The following NEK11 variants were observed in gnomAD, a reference collection of about 807,000 sequenced individuals.
NEK11 encodes the protein serine/threonine-protein kinase Nek11.
NEK11 carries 72 observed loss-of-function variants against 80.7 expected under a neutral mutation model. The ratio of observed to expected loss-of-function variants is 0.89; its 90% CI spans 0.74 to 1.08. NEK11 has a LOEUF of 1.08. Ranked by LOEUF, NEK11 falls within the 50% of genes least tolerant of loss-of-function variation. NEK11 has a pLI of 0.00. For synonymous variants in NEK11, 251 were observed against 260.7 expected, an observed-to-expected ratio of 0.96 and a Z score of 0.36; for missense variants, 764 against 763.6, an observed-to-expected ratio of 1.00 and a Z score of -0.01.
intron 7 of NEK11, among the ~76,000 whole-genome samples, chr3:131,148,273 G>A (rs2149768986): frequency 6.6e-6 from 1 of 151,976 alleles, no homozygotes; most frequent in Middle Eastern, 3.4e-3. Context: ...TTGCTAATAT[G>A]TGTGTGTAAA....
chr3:131,171,606 A>C (rs1376984096), intron 14 of NEK11, among the ~76,000 whole-genome samples: 1 of 152,214 alleles, frequency 6.6e-6, no homozygotes, highest in South Asian at 2.1e-4. Flanking sequence ...CAGTTTTCTT[A>C]TCTATGAAAT....
chr3:131,224,952 G>A (rs574613502), intron 14 of NEK11, among the ~76,000 whole-genome samples: 1 of 152,306 alleles, frequency 6.6e-6, no homozygotes, highest in Admixed American at 6.5e-5. Flanking sequence ...AAAATGTACA[G>A]TAAGCTGCTT....
chr3:131,048,020 T>C (rs2067692050), intron 3 of NEK11, among the ~76,000 whole-genome samples: 1 of 152,164 alleles, frequency 6.6e-6, no homozygotes, highest in Admixed American at 6.5e-5. Flanking sequence ...GTATTATGGC[T>C]GCCTCTGCTG....
chr3:131,240,976 A>T (rs2095509806), intron 15 of NEK11, among the ~76,000 whole-genome samples: 1 of 152,176 alleles, frequency 6.6e-6, no homozygotes, highest in Non-Finnish European at 1.5e-5. Context: ...AACTCCTCTG[A>T]TATGAGGTCA....
At chr3:131,126,603 C>A (rs929446697) in intron 5 of NEK11, among the ~76,000 whole-genome samples, 25 of 152,022 alleles carry the variant, frequency 1.6e-4, no homozygotes, top group Admixed American at 2.6e-4. Context: ...AAGGTAATGT[C>A]TTTTCTTTCA....
At position 131,274,839 on chromosome 3, in the gene NEK11, GA is replaced by G. The variant is rs371026564; in HGVS notation, c.1718+1266del. The stretch of plus-strand genomic sequence containing the variant: ...TGGCTAATTTTTTGTATTTTTAGTA[GA>G]GACGGGGTTTCACCTTGTTAGCCAG... On this transcript the variant is annotated intron_variant, in intron 17 of 17. Coordinates refer to ENST00000383366, the MANE Select transcript of NEK11 (RefSeq NM_024800.5). Among the ~76,000 whole-genome samples the G allele has an allele frequency of 1.2e-3, 181 of 150,982 alleles. 1 individual carries two copies. Among genetic ancestry groups the G allele is most frequent in the African/African-American group, 4.1e-3 (170 of 41,182 alleles).
At chr3:131,148,377 T>C (rs1358390323) in intron 7 of NEK11, among the ~76,000 whole-genome samples, 1 of 152,050 alleles carries the variant, frequency 6.6e-6, no homozygotes, top group Non-Finnish European at 1.5e-5. Context: ...AAACTTGTCC[T>C]GGTCTTACGA....
chr3:131,236,330 T>G (rs1190283985), intron 15 of NEK11, among the ~76,000 whole-genome samples: 1 of 152,162 alleles, frequency 6.6e-6, no homozygotes, highest in Non-Finnish European at 1.5e-5. Flanking sequence ...TCCATTGCCC[T>G]GTTTTGGGTA....
intron 15 of NEK11, among the ~76,000 whole-genome samples, chr3:131,239,470 C>T (rs530100678): frequency 6.6e-6 from 1 of 152,174 alleles, no homozygotes; most frequent in Non-Finnish European, 1.5e-5. Flanking sequence ...GAAAGCAAAG[C>T]ATGCATGCAT....
intron 14 of NEK11, among the ~76,000 whole-genome samples, chr3:131,178,956 A>T (rs1161632429): frequency 6.6e-6 from 1 of 152,196 alleles, no homozygotes; most frequent in East Asian, 1.9e-4. Flanking sequence ...TAAGATTGTT[A>T]TGGCTTGAAT....
intron 17 of NEK11, among the ~76,000 whole-genome samples, chr3:131,315,334 C>CT (rs2096825858): frequency 1.3e-5 from 2 of 152,064 alleles, no homozygotes; most frequent in Admixed American, 1.3e-4. Flanking sequence ...AATCTGTTTT[C>CT]TTTTTTTAGA....
At chr3:131,215,871 A>C (rs1157534362) in intron 14 of NEK11, among the ~76,000 whole-genome samples, 1 of 152,188 alleles carries the variant, frequency 6.6e-6, no homozygotes, top group African/African-American at 2.4e-5. Flanking sequence ...GCCAAACTGA[A>C]AGCGGAGGCT....
At chr3:131,103,739 T>C (rs2078744107) in intron 4 of NEK11, among the ~76,000 whole-genome samples, 1 of 152,196 alleles carries the variant, frequency 6.6e-6, no homozygotes, top group Non-Finnish European at 1.5e-5. Context: ...TCTGGCTCTG[T>C]GGAGAAAGGC....
chr3:131,166,973 A>G (rs1186696378), intron 12 of NEK11, among the ~76,000 whole-genome samples: 3 of 152,222 alleles, frequency 2.0e-5, no homozygotes, highest in Non-Finnish European at 4.4e-5. Context: ...AGAACTGCAC[A>G]TTCCCACAAA....
chr3:131,281,824 TA>T (rs2096400558), intron 17 of NEK11, among the ~76,000 whole-genome samples: 1 of 152,242 alleles, frequency 6.6e-6, no homozygotes, highest in South Asian at 2.1e-4. Flanking sequence ...ATTGTATATC[TA>T]CTTTTGTCTT....
chr3:131,118,838 T>G (rs1487403399), intron 5 of NEK11, among the ~76,000 whole-genome samples: 2 of 152,202 alleles, frequency 1.3e-5, no homozygotes, highest in African/African-American at 4.8e-5. Context: ...TCATTTTTTT[T>G]GCATCTATTT....
chr3:131,067,932 G>A (rs2072349406), intron 3 of NEK11, among the ~76,000 whole-genome samples: 1 of 152,160 alleles, frequency 6.6e-6, no homozygotes, highest in Non-Finnish European at 1.5e-5. Context: ...ATCAGTGTTG[G>A]CTGTGGAATC....
At chr3:131,153,712 G>A (rs1405139840) in intron 9 of NEK11, among the ~76,000 whole-genome samples, 1 of 152,208 alleles carries the variant, frequency 6.6e-6, no homozygotes, top group Non-Finnish European at 1.5e-5. Context: ...GCTGGGCACT[G>A]TGCTGACACC....
chr3:131,124,603 G>A (rs539400596), intron 5 of NEK11, among the ~76,000 whole-genome samples: 1 of 152,192 alleles, frequency 6.6e-6, no homozygotes, highest in Admixed American at 6.5e-5. Context: ...ATGGTTATTG[G>A]GTAGGCATTT....
Sources: gnomAD v4.1 joint callset for allele counts (sites outside exome capture counted in the v4.1 genomes callset) on GRCh38, gnomAD v4.1.1 for gene constraint, MANE v1.5 for transcripts, NCBI Gene and HGNC (gene_info 2026-07-23, HGNC 2026-07-21) for gene names.